Variants in CSMD3 observed in about 807,000 individuals in gnomAD.
CSMD3 encodes the protein CUB and sushi domain-containing protein 3.
In CSMD3, 177 loss-of-function variants were observed where a neutral mutation model predicts 435.2. The ratio of observed to expected loss-of-function variants is 0.41; its 90% CI spans 0.36 to 0.46. The LOEUF is 0.46. Ranked by LOEUF, CSMD3 falls within the 20% of genes least tolerant of loss-of-function variation. The pLI is 0.34. For missense variants in CSMD3, 4,265 were observed against 4,504.6 expected (o/e 0.95, Z 1.52); for synonymous variants, 1,656 against 1,520.5 (o/e 1.09, Z -2.07).
At position 113,093,850 on chromosome 8, in the gene CSMD3, C is replaced by T. The variant is rs369278084; in HGVS notation, c.917+4906G>A. Among the ~76,000 whole-genome samples the T allele has an allele frequency of 2.6e-4, 40 of 152,188 alleles. 2 individuals are homozygous for T. In the South Asian group the frequency reaches 7.7e-3, roughly 29 times the overall value. On this transcript the variant is annotated intron_variant, in intron 5 of 70. Coordinates refer to ENST00000297405, the MANE Select transcript of CSMD3 (RefSeq NM_198123.2). The stretch of plus-strand genomic sequence containing the variant: ...CTTATTGCATTCTTAATTTGAATAA[C>T]ATTACATAGATTTTCTATGTTATAT...
At chr8:113,351,396 C>T (rs2094189426) in intron 1 of CSMD3, among the ~76,000 whole-genome samples, 1 of 151,892 alleles carries the variant, frequency 6.6e-6, no homozygotes, top group Non-Finnish European at 1.5e-5. Context: ...AGCAGGATTG[C>T]CCTCACCTAT....
chr8:113,132,060 T>G (rs1005018027), intron 4 of CSMD3, among the ~76,000 whole-genome samples: 18 of 152,176 alleles, frequency 1.2e-4, no homozygotes, highest in African/African-American at 4.3e-4. Context: ...ATAGCCCCTT[T>G]GTTTTGGCCA....
intron 13 of CSMD3, among the ~76,000 whole-genome samples, chr8:112,738,733 C>T (rs961342539): frequency 3.3e-5 from 5 of 151,590 alleles, no homozygotes; most frequent in African/African-American, 9.6e-5. Context: ...TCATTCTTTG[C>T]GTATTTTAAG....
chr8:112,742,302 T>C (rs578246495), intron 13 of CSMD3, among the ~76,000 whole-genome samples: 8 of 152,082 alleles, frequency 5.3e-5, no homozygotes, highest in African/African-American at 1.2e-4. Context: ...TCTTAAGATA[T>C]AACATTTCTC....
chr8:112,808,196 T>G (rs1190317137), intron 12 of CSMD3, among the ~76,000 whole-genome samples: 2 of 152,182 alleles, frequency 1.3e-5, no homozygotes, highest in Non-Finnish European at 2.9e-5. Context: ...AGATATTTTG[T>G]CTAGTTATAG....
At chr8:112,708,735 C>CAAAA (rs11393725) in intron 13 of CSMD3, among the ~76,000 whole-genome samples, 2,086 of 140,310 alleles carry the variant, frequency 0.015, 56 homozygotes, top group African/African-American at 0.051. Context: ...AAAAAACCTA[C>CAAAA]AAAAAAAAAT....
chr8:112,640,104 A>G (rs1372465248), intron 20 of CSMD3, among the ~76,000 whole-genome samples: 4 of 152,112 alleles, frequency 2.6e-5, no homozygotes, highest in Non-Finnish European at 4.4e-5. Context: ...GTTCCATTCC[A>G]GTGAGTATAT....
intron 27 of CSMD3, among the ~76,000 whole-genome samples, chr8:112,518,688 G>T (rs1823959163): frequency 6.6e-6 from 1 of 150,386 alleles, no homozygotes; most frequent in African/African-American, 2.4e-5. Context: ...TTCTTGATTT[G>T]CTCTGGAATG....
chr8:112,963,856 T>C (rs1210445522), intron 7 of CSMD3, among the ~76,000 whole-genome samples: 1 of 151,962 alleles, frequency 6.6e-6, no homozygotes, highest in African/African-American at 2.4e-5. Context: ...CAATATTCCA[T>C]ATCAATATTG....
chr8:112,336,513 ATACTGTCACCCTCAGT>A, intron 44 of CSMD3, 123 bp downstream of exon 44: 1 of 728,518 alleles, frequency 1.4e-6, no homozygotes, highest in Non-Finnish European at 2.4e-6. Context: ...TACAAGACAC[ATACTGTCACCCTCAGT>A]TACTCACATC....
chr8:113,392,235 T>C (rs1435651333), intron 1 of CSMD3, among the ~76,000 whole-genome samples: 1 of 152,112 alleles, frequency 6.6e-6, no homozygotes, highest in African/African-American at 2.4e-5. Context: ...AAATTATAAT[T>C]ATTAAATAGG....
chr8:112,505,813 C>T (rs1344917915), intron 29 of CSMD3, among the ~76,000 whole-genome samples: 2 of 151,978 alleles, frequency 1.3e-5, no homozygotes, highest in African/African-American at 2.4e-5. Flanking sequence ...TTTCATTTTA[C>T]CAATGTGTAT....
At chr8:112,936,325 T>C (rs896248679) in intron 9 of CSMD3, among the ~76,000 whole-genome samples, 2 of 152,070 alleles carry the variant, frequency 1.3e-5, no homozygotes, top group African/African-American at 4.8e-5. Flanking sequence ...TCCATGTCAT[T>C]ATATTAAATA....
chr8:112,767,185 G>A (rs923134335), intron 13 of CSMD3, among the ~76,000 whole-genome samples: 16 of 151,850 alleles, frequency 1.1e-4, no homozygotes, highest in African/African-American at 3.6e-4. Flanking sequence ...GAAAAGGAAA[G>A]TAGAGAAGCA....
intron 13 of CSMD3, among the ~76,000 whole-genome samples, chr8:112,784,820 T>C (rs2078494212): frequency 6.6e-6 from 1 of 151,948 alleles, no homozygotes. Flanking sequence ...ATTCAGTTGA[T>C]TTTACCAAAT....
Position 113,077,374 on chromosome 8 carries a change from C to T in CSMD3, c.917+21382G>A, listed in dbSNP as rs1165592812. Among the ~76,000 whole-genome samples the T allele has an allele frequency of 2.6e-5, 4 of 151,570 alleles. No individual in the cohort carries two copies. In the South Asian group the frequency reaches 6.3e-4, roughly 24 times the overall value. ...AAAAAATAAAATTAAAGTTTAAAAA[C>T]AGTTATAAAAAAACCATTATGCTAG... On this transcript the variant is annotated intron_variant, in intron 5 of 70. Transcript: ENST00000297405.
intron 1 of CSMD3, among the ~76,000 whole-genome samples, chr8:113,409,079 C>CTTTTTTTTTTTTTTTTTTTTTT (rs1218107775): frequency 7.1e-5 from 7 of 99,068 alleles, no homozygotes; most frequent in Non-Finnish European, 9.7e-5. Flanking sequence ...TCTTCTTCTT[C>CTTTTTTTTTTTTTTTTTTTTTT]TTTTTTTTTT....
chr8:112,282,245 T>C (rs572392355), intron 58 of CSMD3, among the ~76,000 whole-genome samples: 15 of 152,004 alleles, frequency 9.9e-5, no homozygotes, highest in Non-Finnish European at 1.9e-4. Context: ...TGTGTGTGTG[T>C]GTGTGCATGC....
At chr8:112,839,837 A>T (rs1050009164) in intron 11 of CSMD3, among the ~76,000 whole-genome samples, 1 of 151,730 alleles carries the variant, frequency 6.6e-6, no homozygotes, top group South Asian at 2.1e-4. Flanking sequence ...TGATATACAG[A>T]TATTTATATA....
Sources: allele counts gnomAD v4.1 joint callset (sites outside exome capture counted in the v4.1 genomes callset), GRCh38; gene constraint gnomAD v4.1.1; transcripts MANE v1.5; gene names NCBI Gene and HGNC (gene_info 2026-07-23, HGNC 2026-07-21).